Variants in GRAMD1B observed in about 807,000 individuals in gnomAD.
GRAMD1B encodes GRAM domain containing 1B, also known as protein Aster-B.
In GRAMD1B, 37 loss-of-function variants were observed where a neutral mutation model predicts 99.7. That is an observed-to-expected ratio of 0.37 (90% CI 0.29 to 0.49). GRAMD1B has a LOEUF of 0.49. GRAMD1B is among the 20% of genes least tolerant of loss of function. The pLI is 0.98. For missense variants in GRAMD1B, 888 were observed against 1,009.2 expected, an observed-to-expected ratio of 0.88 and a Z score of 1.63; for synonymous variants, 427 against 387.6, an observed-to-expected ratio of 1.10 and a Z score of -1.19.
intron 4 of GRAMD1B, among the ~76,000 whole-genome samples, chr11:123,585,666 G>A (rs781730033): frequency 9.9e-5 from 15 of 152,106 alleles, no homozygotes; most frequent in Non-Finnish European, 1.3e-4. Flanking sequence ...TCCTGGGAGC[G>A]ACCCGCAGCC....
chr11:123,532,885 T>A (rs1470775733), intron 2 of GRAMD1B, among the ~76,000 whole-genome samples: 3 of 152,228 alleles, frequency 2.0e-5, no homozygotes, highest in Non-Finnish European at 2.9e-5. Flanking sequence ...GACTGGCTGA[T>A]CTAAAACATT....
intron 2 of GRAMD1B, among the ~76,000 whole-genome samples, chr11:123,494,413 TA>T (rs1307233583): frequency 6.6e-6 from 1 of 151,398 alleles, no homozygotes; most frequent in Non-Finnish European, 1.5e-5. Context: ...AGACAGCACT[TA>T]AGGCCTTTTT....
chr11:123,412,492 G>T (rs1055600027), intron 1 of GRAMD1B, among the ~76,000 whole-genome samples: 4 of 152,160 alleles, frequency 2.6e-5, no homozygotes, highest in Non-Finnish European at 5.9e-5. Context: ...ACAAGCCAGT[G>T]AATACAGAGT....
At chr11:123,417,928 T>G (rs1948287998) in intron 1 of GRAMD1B, among the ~76,000 whole-genome samples, 1 of 152,092 alleles carries the variant, frequency 6.6e-6, no homozygotes, top group Admixed American at 6.5e-5. Context: ...GCCTGGCTAA[T>G]TTTTAAAATT....
intron 2 of GRAMD1B, among the ~76,000 whole-genome samples, chr11:123,506,130 C>T (rs1480810128): frequency 6.6e-6 from 1 of 152,210 alleles, no homozygotes; most frequent in African/African-American, 2.4e-5. Context: ...CAAACATGGG[C>T]GCAGCACTGC....
intron 1 of GRAMD1B, among the ~76,000 whole-genome samples, chr11:123,417,559 G>T (rs1309180690): frequency 6.6e-6 from 1 of 152,130 alleles, no homozygotes; most frequent in East Asian, 1.9e-4. Flanking sequence ...ATAAGCTCTG[G>T]CATCAGCATT....
intron 1 of GRAMD1B, among the ~76,000 whole-genome samples, chr11:123,401,271 G>A (rs149114549): frequency 2.2e-4 from 33 of 152,308 alleles, no homozygotes; most frequent in Non-Finnish European, 3.7e-4. Flanking sequence ...GTCCCAAGAA[G>A]TTAAAGTAAG....
intron 1 of GRAMD1B, among the ~76,000 whole-genome samples, chr11:123,400,432 G>A (rs11219128): frequency 0.3 from 45,346 of 152,044 alleles, 7,138 homozygotes; most frequent in African/African-American, 0.41. Context: ...AGCCGAGATC[G>A]TGCCATTGCA....
chr11:123,429,002 G>A (rs956678917), upstream of GRAMD1B, among the ~76,000 whole-genome samples: 2 of 152,054 alleles, frequency 1.3e-5, no homozygotes, highest in African/African-American at 4.8e-5. This position sits in a 1 kb window ranked among gnomAD's most constrained non-coding sequence, Gnocchi z 4.0. Flanking sequence ...GACCAGCCTG[G>A]GCAATATAGC....
chr11:123,535,307 C>A (rs1376494158), intron 2 of GRAMD1B, among the ~76,000 whole-genome samples: 1 of 150,120 alleles, frequency 6.7e-6, no homozygotes, highest in Non-Finnish European at 1.5e-5. Context: ...TTTTTTCCCC[C>A]ATTTTATATG....
At chr11:123,413,410 G>T (rs1012671335) in intron 1 of GRAMD1B, among the ~76,000 whole-genome samples, 1 of 152,088 alleles carries the variant, frequency 6.6e-6, no homozygotes, top group Non-Finnish European at 1.5e-5. Flanking sequence ...CTGGGGTAAC[G>T]TGTATCGGAG....
intron 1 of GRAMD1B, among the ~76,000 whole-genome samples, chr11:123,438,947 C>G (rs1422809754): frequency 6.6e-6 from 1 of 152,144 alleles, no homozygotes; most frequent in African/African-American, 2.4e-5. Context: ...AAGGCTGGCC[C>G]GGAGAGCCTG....
chr11:123,521,134 T>A (rs1356183645), intron 2 of GRAMD1B, among the ~76,000 whole-genome samples: 2 of 152,218 alleles, frequency 1.3e-5, no homozygotes, highest in Admixed American at 6.5e-5. Context: ...TCATCCAACT[T>A]TATTACATAA....
At chr11:123,392,351 C>T (rs1947312425) in intron 1 of GRAMD1B, among the ~76,000 whole-genome samples, 1 of 151,430 alleles carries the variant, frequency 6.6e-6, no homozygotes, top group Non-Finnish European at 1.5e-5. Flanking sequence ...TTCTGCTTGT[C>T]CTTTAAGTAT....
intron 1 of GRAMD1B, among the ~76,000 whole-genome samples, chr11:123,375,472 G>A (rs1045410607): frequency 2.5e-4 from 38 of 152,244 alleles, no homozygotes; most frequent in Admixed American, 1.7e-3. Context: ...CTCTTTGTAA[G>A]ATGCTATATT....
At chr11:123,518,365 T>C (rs1405674783) in intron 2 of GRAMD1B, among the ~76,000 whole-genome samples, 1 of 152,066 alleles carries the variant, frequency 6.6e-6, no homozygotes, top group East Asian at 1.9e-4. Context: ...CAGACAGAGC[T>C]CTTGTCTCCT....
chr11:123,458,899 G>T (rs1484156424), intron 1 of GRAMD1B: 3 of 152,150 alleles, frequency 2.0e-5, no homozygotes, highest in Non-Finnish European at 2.9e-5. Context: ...TTCTTTTGGG[G>T]CTAGTCCTTT....
intron 1 of GRAMD1B, among the ~76,000 whole-genome samples, chr11:123,464,189 A>C (rs1270020381): frequency 1.3e-5 from 2 of 151,888 alleles, no homozygotes; most frequent in African/African-American, 4.8e-5. Context: ...CTGTGGTCCC[A>C]GCTACTCGGC....
intron 1 of GRAMD1B, among the ~76,000 whole-genome samples, chr11:123,438,764 C>T (rs146052458): frequency 7.9e-4 from 120 of 152,246 alleles, no homozygotes; most frequent in African/African-American, 2.7e-3. Flanking sequence ...CTAGTTGGTG[C>T]ATTTCTCCCA....
Sources: gnomAD v4.1 joint callset for allele counts (sites outside exome capture counted in the v4.1 genomes callset) on GRCh38, gnomAD v4.1.1 for gene constraint, Gnocchi (gnomAD v3.1) non-coding constraint, MANE v1.5 for transcripts, NCBI Gene and HGNC (gene_info 2026-07-23, HGNC 2026-07-21) for gene names.